Variants in SDK2 observed in about 807,000 individuals in gnomAD.
SDK2 encodes the protein protein sidekick-2.
Under a neutral mutation model 253.9 loss-of-function variants are expected in SDK2, and 105 were observed. That is an observed-to-expected ratio of 0.41 (90% CI 0.35 to 0.49). The LOEUF (loss-of-function observed/expected upper bound fraction) is 0.49, where lower values mean the gene tolerates loss of function less well. SDK2 is among the 20% of genes least tolerant of loss of function. SDK2 has a pLI of 0.06. For missense variants in SDK2, 2,608 were observed against 3,003.0 expected (o/e 0.87, Z 3.07); for synonymous variants, 1,249 against 1,234.9 (o/e 1.01, Z -0.24).
chr17:73,488,182 A>AT (rs1449274326), intron 2 of SDK2, among the ~76,000 whole-genome samples: 10 of 150,726 alleles, frequency 6.6e-5, no homozygotes, highest in East Asian at 1.9e-4. Flanking sequence ...CGCCTGGCTA[A>AT]TTTTTTGTAT....
intron 41 of SDK2, 143 bp from the exon 42 acceptor site, chr17:73,350,933 G>A: frequency 1.2e-6 from 1 of 837,828 alleles, no homozygotes; most frequent in South Asian, 1.9e-5. Context: ...ACCTCTGTAA[G>A]GACAGTTTCA....
intron 5 of SDK2, among the ~76,000 whole-genome samples, chr17:73,444,242 G>A (rs533295739): frequency 3.4e-4 from 52 of 152,312 alleles, no homozygotes; most frequent in African/African-American, 1.1e-3. Context: ...GCAGGGTACC[G>A]GGCAAGGCCT....
intron 18 of SDK2, among the ~76,000 whole-genome samples, chr17:73,405,723 C>CTT (rs537794783): frequency 4.3e-5 from 6 of 139,686 alleles, no homozygotes; most frequent in Non-Finnish European, 6.2e-5. Flanking sequence ...TCTTATATAT[C>CTT]TTTTTTTTTT....
chr17:73,597,426 T>G (rs1257279346), intron 1 of SDK2, among the ~76,000 whole-genome samples: 2 of 152,164 alleles, frequency 1.3e-5, no homozygotes, highest in Non-Finnish European at 2.9e-5. Flanking sequence ...GCCTCTCCTG[T>G]GATACTTTGC....
intron 10 of SDK2, among the ~76,000 whole-genome samples, chr17:73,432,003 C>G (rs1260794432): frequency 1.3e-5 from 2 of 152,180 alleles, no homozygotes; most frequent in Non-Finnish European, 2.9e-5. Context: ...GCACAGCCCT[C>G]AGAGGCAGCT....
chr17:73,419,649 T>G (rs2063211829), intron 15 of SDK2, among the ~76,000 whole-genome samples: 1 of 150,090 alleles, frequency 6.7e-6, no homozygotes, highest in African/African-American at 2.5e-5. Flanking sequence ...GCAAGAGGAT[T>G]GCTTGAGGGC....
intron 3 of SDK2, among the ~76,000 whole-genome samples, chr17:73,460,296 C>T (rs971910378): frequency 6.6e-6 from 1 of 152,196 alleles, no homozygotes; most frequent in African/African-American, 2.4e-5. Flanking sequence ...CAACGCTGGA[C>T]ATGTGAACAA....
At position 73,385,869 on chromosome 17, in the gene SDK2, G is replaced by A. The variant is rs779227615; in HGVS notation, c.4547C>T (p.Thr1516Ile). The A allele has an allele frequency of 1.2e-6, 2 of 1,608,838 alleles. No homozygotes were observed. Among genetic ancestry groups the A allele is most frequent in the Non-Finnish European group, 8.5e-7 (1 of 1,178,180 alleles). The change falls in exon 32 of 45, where the codon ACC (threonine) becomes ATC (isoleucine). Residue 1516 changes from threonine to isoleucine, a missense_variant. Physicochemically the swap from Thr to Ile is moderately conservative, Grantham distance 89. Coordinates refer to ENST00000392650, the MANE Select transcript of SDK2 (RefSeq NM_001144952.2). ...TILSVTPHTTTSVLIRWQPPA... is the reference protein window; with the variant it reads ...TILSVTPHTTISVLIRWQPPA... ...TACCTGCCATCGGATTAGCACGGAGGTGGTGGTGTGGGGCGTCACGGAGAG... is the reference window on the plus strand; with the variant it reads ...TACCTGCCATCGGATTAGCACGGAGATGGTGGTGTGGGGCGTCACGGAGAG...
rs937373442 is a variant in SDK2 at position 73,511,620 on chromosome 17, C to T, written c.65-4023G>A. On this transcript the variant is annotated intron_variant, in intron 1 of 44. Transcript: ENST00000392650. The surrounding 1 kb of genome is among the most constrained non-coding windows in gnomAD (Gnocchi z 4.9). The stretch of plus-strand genomic sequence containing the variant: ...TGGGCTGGGGGCTCCACATCCCTCG[C>T]CTCCTGTGGTCCTCACAAGGTTCCT... Among the ~76,000 whole-genome samples the T allele has an allele frequency of 1.3e-5, 2 of 152,284 alleles. No individual in the cohort carries two copies. The highest frequency in any genetic ancestry group is 4.8e-5 in the African/African-American group (2 of 41,566).
intron 1 of SDK2, among the ~76,000 whole-genome samples, chr17:73,571,745 C>G (rs1023396466): frequency 1.3e-5 from 2 of 152,218 alleles, no homozygotes; most frequent in Non-Finnish European, 1.5e-5. Context: ...GAAAGGTGAG[C>G]CCGGCTGGGG....
At chr17:73,436,435 G>C (rs1367831474) in intron 8 of SDK2, among the ~76,000 whole-genome samples, 1 of 152,018 alleles carries the variant, frequency 6.6e-6, no homozygotes, top group African/African-American at 2.4e-5. Flanking sequence ...AAATTATCCT[G>C]GTGTGCTGAT....
chr17:73,579,910 G>A (rs1165129382), intron 1 of SDK2, among the ~76,000 whole-genome samples: 1 of 151,946 alleles, frequency 6.6e-6, no homozygotes, highest in Admixed American at 6.5e-5. Context: ...CCTGGGAGGT[G>A]GAGGTGGCAG....
At chr17:73,487,803 G>C (rs1349638695) in intron 2 of SDK2, among the ~76,000 whole-genome samples, 1 of 152,180 alleles carries the variant, frequency 6.6e-6, no homozygotes, top group Non-Finnish European at 1.5e-5. Context: ...CGGTCCTCAG[G>C]TTCCCAGTCT....
At chr17:73,507,620 C>T (rs1317920330) in intron 1 of SDK2, 23 bp from the exon 2 acceptor site, 11 of 1,547,362 alleles carry the variant, frequency 7.1e-6, no homozygotes, top group African/African-American at 1.4e-5. Context: ...GGAGACAAAG[C>T]CACCAGTGAT....
chr17:73,489,542 C>T (rs148208050), intron 2 of SDK2, among the ~76,000 whole-genome samples: 161 of 152,338 alleles, frequency 1.1e-3, no homozygotes, highest in African/African-American at 3.5e-3. Flanking sequence ...GAGTCCTGCT[C>T]TCTGGGATTC....
intron 1 of SDK2, among the ~76,000 whole-genome samples, chr17:73,576,259 TG>T (rs1422433257): frequency 1.3e-5 from 2 of 151,790 alleles, no homozygotes; most frequent in Admixed American, 1.3e-4. Flanking sequence ...ATCCCAAGGA[TG>T]GGAAAGAGCA....
intron 4 of SDK2, among the ~76,000 whole-genome samples, chr17:73,453,264 G>A (rs530254530): frequency 1.3e-5 from 2 of 151,958 alleles, no homozygotes; most frequent in Admixed American, 1.3e-4. Flanking sequence ...AAGTGAGAGA[G>A]CCCAGCCAAG....
chr17:73,573,717 A>G (rs1214565261), intron 1 of SDK2, among the ~76,000 whole-genome samples: 1 of 152,166 alleles, frequency 6.6e-6, no homozygotes, highest in East Asian at 1.9e-4. Flanking sequence ...TGGCAGCCAG[A>G]GGGATTGATT....
intron 2 of SDK2, among the ~76,000 whole-genome samples, chr17:73,502,079 GCACATACACACA>G (rs746151280): frequency 0.13 from 18,434 of 147,440 alleles, 1,325 homozygotes; most frequent in African/African-American, 0.21. Flanking sequence ...TTTGTGTAGT[GCACATACACACA>G]CACACACACA....
Sources: allele counts gnomAD v4.1 joint callset (sites outside exome capture counted in the v4.1 genomes callset), GRCh38; gene constraint gnomAD v4.1.1; non-coding constraint Gnocchi (gnomAD v3.1); transcripts MANE v1.5; gene names NCBI Gene and HGNC (gene_info 2026-07-23, HGNC 2026-07-21).